LYST: variants seen among roughly 807,000 people sequenced by gnomAD.
The protein encoded by LYST is lysosomal trafficking regulator.
A neutral mutation model predicts 413.6 loss-of-function variants in LYST; 192 were observed. The observed-to-expected ratio is 0.46, with a 90% CI of 0.41 to 0.52. LYST has a LOEUF of 0.52. LYST is among the 20% of genes least tolerant of loss of function. The pLI, the probability that LYST is intolerant of heterozygous loss-of-function variation, is 0.00. For synonymous variants in LYST, 1,525 were observed against 1,567.3 expected, an observed-to-expected ratio of 0.97 and a Z score of 0.64; for missense variants, 3,815 against 4,499.9, an observed-to-expected ratio of 0.85 and a Z score of 4.35.
At chr1:235,798,023 G>C (rs985120937) in intron 10 of LYST, among the ~76,000 whole-genome samples, 1 of 152,064 alleles carries the variant, frequency 6.6e-6, no homozygotes, top group Non-Finnish European at 1.5e-5. Context: ...CATGAAAAGA[G>C]GTTCAACATC....
rs1397200007 is a variant in LYST at position 235,810,311 on chromosome 1, T to C, written c.507A>G (p.Glu169=). The part of the protein sequence containing the change: ...RKTQLSTSDS[E]ANSDEKGIAM... ...CTATGCCTTTTTCATCTGAATTGGC[T>C]TCTGAATCTGAGGTGGAGAGCTGTG... The change falls in exon 5 of 53, where the codon GAA becomes GAG. Residue 169 remains glutamate, a synonymous_variant. Transcript: ENST00000389793. The C allele has an allele frequency of 1.2e-6, 2 of 1,614,136 alleles. No homozygotes were observed.
rs67988872 is a variant in LYST at position 235,799,928 on chromosome 1, C to CTTTTTTTTTT, written c.4006+382_4006+391dup. On this transcript the variant is annotated intron_variant, in intron 10 of 52. Transcript: ENST00000389793. Reference sequence around the variant, plus strand: ...CACAGAGCACTATGCCAATGGAAGCCTTTTTTTTTTTTTTTTTTTTTTTTT... The same window carrying CTTTTTTTTTT: ...CACAGAGCACTATGCCAATGGAAGCCTTTTTTTTTTTTTTTTTTTTTTTTTTTTTTTTTTT... Among the ~76,000 whole-genome samples, 8 of 63,504 alleles carry CTTTTTTTTTT rather than the reference C, an allele frequency of 1.3e-4. 4 individuals are homozygous for CTTTTTTTTTT. Among genetic ancestry groups the CTTTTTTTTTT allele is most frequent in the Non-Finnish European group, 1.7e-4 (6 of 35,144 alleles). 41.7% of individuals were successfully genotyped at this position (63,504 alleles called of 152,430 possible).
intron 3 of LYST, among the ~76,000 whole-genome samples, chr1:235,820,038 A>C (rs935427431): frequency 2.0e-5 from 3 of 152,274 alleles, no homozygotes; most frequent in Non-Finnish European, 4.4e-5. Context: ...ACAGTAAAGT[A>C]ACTTTCATTG....
At chr1:235,687,406 A>G (rs543167688) in intron 47 of LYST, among the ~76,000 whole-genome samples, 1 of 152,348 alleles carries the variant, frequency 6.6e-6, no homozygotes, top group Admixed American at 6.5e-5. Context: ...TGTACTTCAC[A>G]TATTTATTTG....
chr1:235,686,647 C>A lies in LYST; in HGVS notation c.10800+302G>T, dbSNP rs565832502. Among the ~76,000 whole-genome samples the A allele has an allele frequency of 4.6e-5, 7 of 152,196 alleles. No individual in the cohort carries two copies. The East Asian group carries it at 1.4e-3, about 29-fold the overall frequency. ...AACTGATAGACTCTTACAGTATACT[C>A]CTAAGGATTCAGGTTGCTATCGCAA... On this transcript the variant is annotated intron_variant, in intron 48 of 52. Coordinates refer to ENST00000389793, the MANE Select transcript of LYST (RefSeq NM_000081.4). This position sits in a 1 kb window ranked among gnomAD's most constrained non-coding sequence, Gnocchi z 4.0.
Position 235,709,764 on chromosome 1 carries a change from T to G in LYST, c.9926-456A>C, listed in dbSNP as rs947027893. On this transcript the variant is annotated intron_variant, in intron 43 of 52. Coordinates refer to ENST00000389793, the MANE Select transcript of LYST (RefSeq NM_000081.4). Reference sequence around the variant, plus strand: ...AGATTATATTTAGTAAATATTAGTATTCTATAGTTTAAAAACTCAACTAAT... The same window carrying G: ...AGATTATATTTAGTAAATATTAGTAGTCTATAGTTTAAAAACTCAACTAAT... Among the ~76,000 whole-genome samples, 31 of 150,180 alleles carry G rather than the reference T, an allele frequency of 2.1e-4. 3 individuals carry two copies. Among genetic ancestry groups the G allele is most frequent in the African/African-American group, 7.3e-4 (29 of 39,546 alleles).
intron 1 of LYST, among the ~76,000 whole-genome samples, chr1:235,847,347 A>C (rs562016296): frequency 6.6e-6 from 1 of 152,216 alleles, no homozygotes; most frequent in Non-Finnish European, 1.5e-5. Context: ...CGCCATCACC[A>C]AGCCACCACT....
intron 3 of LYST, among the ~76,000 whole-genome samples, chr1:235,815,023 T>G (rs933831348): frequency 6.6e-6 from 1 of 152,152 alleles, no homozygotes; most frequent in African/African-American, 2.4e-5. Flanking sequence ...CTGCAACTCA[T>G]TCTCTAGGTT....
intron 4 of LYST, among the ~76,000 whole-genome samples, chr1:235,811,373 T>G (rs1181397728): frequency 5.9e-5 from 9 of 152,232 alleles, no homozygotes; most frequent in Admixed American, 5.9e-4. Context: ...TTAACTACTT[T>G]AAGATTTTTC....
In LYST at chr1:235,741,569, C is replaced by T. The variant is rs952483892; in HGVS notation, c.8211G>A (p.Lys2737=). 5.6e-6 allele frequency: 9 copies of T among 1,614,076 alleles called. No individual in the cohort carries two copies. The highest frequency in any genetic ancestry group is 6.8e-6 in the Non-Finnish European group (8 of 1,179,978). Reference sequence around the variant, plus strand: ...TCCCAAGCTGCATTCGGAAGGTCTCCTTACAAGACCACAGAATTTTAGTCC... The same window carrying T: ...TCCCAAGCTGCATTCGGAAGGTCTCTTTACAAGACCACAGAATTTTAGTCC... The part of the protein sequence containing the change: ...QQWTKILWSC[K]ETFRMQLGRL... Residue 2737 remains lysine, a synonymous_variant, in exon 31 of 53, where the codon AAG becomes AAA. Coordinates refer to ENST00000389793, the MANE Select transcript of LYST (RefSeq NM_000081.4).
At chr1:235,676,092 G>A (rs548278707) in intron 50 of LYST, among the ~76,000 whole-genome samples, 1 of 152,276 alleles carries the variant, frequency 6.6e-6, no homozygotes, top group South Asian at 2.1e-4. Flanking sequence ...TCTGCTGGAT[G>A]CATTGGTTTC....
chr1:235,743,549 T>C (rs1164422894), intron 30 of LYST, among the ~76,000 whole-genome samples: 1 of 152,160 alleles, frequency 6.6e-6, no homozygotes, highest in Non-Finnish European at 1.5e-5. Context: ...CTGACACTTA[T>C]CAGTATTCTC....
In LYST at chr1:235,804,563, G is replaced by T; in HGVS notation, c.3496C>A (p.Arg1166=). 6.2e-7 allele frequency: 1 copy of T among 1,612,974 alleles called. No individual in the cohort carries two copies. The highest frequency in any genetic ancestry group is 1.1e-5 in the South Asian group (1 of 91,064). Reference sequence around the variant, plus strand: ...GCTGAATAATTCCCGAGGGCAACTCGAAGCAGGGCATCAAATAAAGGCTTT... The same window carrying T: ...GCTGAATAATTCCCGAGGGCAACTCTAAGCAGGGCATCAAATAAAGGCTTT... ...LAKPLFDALL[R]VALGNYSADF... is the part of the protein sequence containing the mutation. Residue 1166 remains arginine, a synonymous_variant, in exon 7 of 53, where the codon CGA becomes AGA. Coordinates refer to ENST00000389793, the MANE Select transcript of LYST (RefSeq NM_000081.4).
intron 42 of LYST, 37 bp downstream of exon 42, chr1:235,715,164 C>A: frequency 6.5e-7 from 1 of 1,550,130 alleles, no homozygotes; most frequent in South Asian, 1.1e-5. Context: ...TTTCTGATGA[C>A]CCAACATGAC....
rs1658053895 is a variant in LYST, at chr1:235,661,643, C to T, written c.*1297G>A. On this transcript the variant is annotated 3_prime_UTR_variant, in exon 53 of 53. Coordinates refer to ENST00000389793, the MANE Select transcript of LYST (RefSeq NM_000081.4). ...AATGTTTTAGAAAGTCTGGAAGTTACAAAAGTAGTACTGTAAACACCATAT... is the reference window on the plus strand; with the variant it reads ...AATGTTTTAGAAAGTCTGGAAGTTATAAAAGTAGTACTGTAAACACCATAT... 6.6e-6 allele frequency: 1 copy of T among 152,602 alleles called. No individual in the cohort carries two copies. The highest frequency in any genetic ancestry group is 6.5e-5 in the Admixed American group (1 of 15,276). The allele number at this position is 152,602 out of a possible 1,614,324, so 9.5% of individuals were successfully genotyped here.
intron 1 of LYST, among the ~76,000 whole-genome samples, chr1:235,865,839 TAAAC>T (rs910863025): frequency 6.6e-6 from 1 of 152,208 alleles, no homozygotes; most frequent in African/African-American, 2.4e-5. Flanking sequence ...ATCAATCTGT[TAAAC>T]AAACAATAGG....
chr1:235,714,434 GA>G (rs1475340574), intron 42 of LYST, among the ~76,000 whole-genome samples: 2 of 152,108 alleles, frequency 1.3e-5, no homozygotes, highest in Non-Finnish European at 2.9e-5. Context: ...ACAAACATAG[GA>G]AAGCCCCTTT....
intron 1 of LYST, among the ~76,000 whole-genome samples, chr1:235,875,009 C>T (rs1681079373): frequency 6.6e-6 from 1 of 152,154 alleles, no homozygotes; most frequent in African/African-American, 2.4e-5. Context: ...CAGGCCATGC[C>T]CCAGACTTAC....
At chr1:235,773,710 G>A (rs1182644330) in intron 19 of LYST, 132 bp downstream of exon 19, 6 of 719,124 alleles carry the variant, frequency 8.3e-6, no homozygotes, top group Non-Finnish European at 1.5e-5. Context: ...ATGGATGGTG[G>A]TGATGGTTGG....
Sources: gnomAD v4.1 joint callset for allele counts (sites outside exome capture counted in the v4.1 genomes callset) on GRCh38, gnomAD v4.1.1 for gene constraint, Gnocchi (gnomAD v3.1) non-coding constraint, MANE v1.5 for transcripts, NCBI Gene and HGNC (gene_info 2026-07-23, HGNC 2026-07-21) for gene names.